The following USP24 variants were observed in gnomAD, a reference collection of about 807,000 sequenced individuals.
The protein encoded by USP24 is ubiquitin specific peptidase 24.
USP24 carries 97 observed loss-of-function variants against 361.6 expected under a neutral mutation model. That is an observed-to-expected ratio of 0.27 (90% confidence interval 0.23 to 0.32). The LOEUF is 0.32. USP24 is among the 10% of genes least tolerant of loss of function. USP24 has a pLI of 1.00. For missense variants in USP24, 2,353 were observed against 3,165.6 expected, an observed-to-expected ratio of 0.74 and a Z score of 6.16; for synonymous variants, 1,098 against 1,124.6, an observed-to-expected ratio of 0.98 and a Z score of 0.47.
At chr1:55,117,480 G>A (rs1379004983) in intron 38 of USP24, among the ~76,000 whole-genome samples, 1 of 152,154 alleles carries the variant, frequency 6.6e-6, no homozygotes, top group African/African-American at 2.4e-5. Flanking sequence ...TGTAATCCCA[G>A]CACTTTGGGA....
At chr1:55,124,309 A>G (rs1337612244) in intron 35 of USP24, among the ~76,000 whole-genome samples, 160 bp downstream of exon 35, 1 of 152,216 alleles carries the variant, frequency 6.6e-6, no homozygotes, top group African/African-American at 2.4e-5. Context: ...AGGAACATAC[A>G]TAAATACTAA....
chr1:55,173,741 G>C (rs1315447528), intron 3 of USP24, among the ~76,000 whole-genome samples: 1 of 152,156 alleles, frequency 6.6e-6, no homozygotes, highest in Non-Finnish European at 1.5e-5. Context: ...ATTAGCAGAA[G>C]TCATAAGACT....
Position 55,068,641 on chromosome 1 carries a change from C to A in USP24, c.*404G>T. 5.7e-6 allele frequency: 1 copy of A among 174,160 alleles called. No homozygotes were observed. The highest frequency in any genetic ancestry group is 1.2e-5 in the Non-Finnish European group (1 of 83,194). 10.8% of individuals were successfully genotyped at this position (174,160 alleles called of 1,614,324 possible). On this transcript the variant is annotated 3_prime_UTR_variant, in exon 68 of 68. Transcript: ENST00000294383. ...AGATTAAAAATTTGCCCCCACATAT[C>A]TAAAAGCAGCTTGCTTTTTCTTAAA... is the stretch of plus-strand genomic sequence containing the variant.
In USP24 at chr1:55,141,653, T is replaced by C; in HGVS notation, c.2713A>G (p.Met905Val). 2.5e-6 allele frequency: 4 copies of C among 1,612,446 alleles called. No homozygotes were observed. The highest frequency in any genetic ancestry group is 3.4e-6 in the Non-Finnish European group (4 of 1,179,210). The change falls in exon 24 of 68, where the codon ATG becomes GTG. Residue 905 changes from methionine to valine, a missense_variant. Coordinates refer to ENST00000294383, the MANE Select transcript of USP24 (RefSeq NM_015306.3). ...TGAACTGAGGTTGCTACAGTTGGCA[T>C]GGCAGTTGCTGTAAGCATTTTTGTT... ...RATKMLTATA[M>V]PTVATSVQSP...
At chr1:55,159,554 C>T in intron 9 of USP24, 57 bp downstream of exon 9, 1 of 1,465,240 alleles carries the variant, frequency 6.8e-7, no homozygotes, top group Non-Finnish European at 9.4e-7. Context: ...TAAGTCCTGG[C>T]TCTGCTTCTG....
intron 4 of USP24, among the ~76,000 whole-genome samples, chr1:55,171,956 G>A (rs1384876943): frequency 1.3e-5 from 2 of 152,138 alleles, no homozygotes; most frequent in Non-Finnish European, 2.9e-5. Context: ...AAGTGTGCTA[G>A]GGCTACCGGG....
At chr1:55,155,958 T>C (rs1445969157) in intron 12 of USP24, among the ~76,000 whole-genome samples, 2 of 152,148 alleles carry the variant, frequency 1.3e-5, no homozygotes, top group African/African-American at 2.4e-5. Flanking sequence ...CTTTTTTTGC[T>C]CCTCTACCTT....
At chr1:55,182,702 C>G (rs1013016866) in intron 1 of USP24, among the ~76,000 whole-genome samples, 2 of 151,874 alleles carry the variant, frequency 1.3e-5, no homozygotes, top group African/African-American at 4.8e-5. Flanking sequence ...ATGAGAAAAC[C>G]CGAAATGAAA....
chr1:55,199,697 G>T (rs2100912899), intron 1 of USP24, among the ~76,000 whole-genome samples: 1 of 152,158 alleles, frequency 6.6e-6, no homozygotes, highest in Non-Finnish European at 1.5e-5. Flanking sequence ...GAATCAAGGT[G>T]AAGGGTATAC....
intron 37 of USP24, among the ~76,000 whole-genome samples, chr1:55,121,181 T>G (rs940454792): frequency 1.3e-5 from 2 of 152,208 alleles, no homozygotes; most frequent in Non-Finnish European, 2.9e-5. Context: ...AGACACTGGT[T>G]GTAACGTTGT....
intron 60 of USP24, among the ~76,000 whole-genome samples, chr1:55,079,153 T>C (rs1198776925): frequency 6.6e-6 from 1 of 152,064 alleles, no homozygotes; most frequent in African/African-American, 2.4e-5. Context: ...GATGGAGAGC[T>C]GAGAGCAGCC....
chr1:55,106,133 G>GC lies in USP24; in HGVS notation c.4880+12dup. The GC allele has an allele frequency of 6.3e-7, 1 of 1,591,752 alleles. No individual in the cohort carries two copies. Among genetic ancestry groups the GC allele is most frequent in the Non-Finnish European group, 8.6e-7 (1 of 1,159,924 alleles). On this transcript the variant is annotated intron_variant, in intron 41 of 67. Transcript: ENST00000294383. ...TTTTTACCAAAACTGAACACAACGTGCATTTTCCATACTTTGGATGAAAGT... is the reference window on the plus strand; with the variant it reads ...TTTTTACCAAAACTGAACACAACGTGCCATTTTCCATACTTTGGATGAAAGT...
At chr1:55,154,841 C>G in intron 12 of USP24, 63 bp from the exon 13 acceptor site, 1 of 1,297,344 alleles carries the variant, frequency 7.7e-7, no homozygotes, top group South Asian at 1.3e-5. Context: ...AAGTCTTCCC[C>G]CTGGCAACTT....
At chr1:55,201,600 C>CAAAAAA (rs56659823) in intron 1 of USP24, among the ~76,000 whole-genome samples, 11 of 35,462 alleles carry the variant, frequency 3.1e-4, no homozygotes, top group Non-Finnish European at 3.9e-4. Flanking sequence ...GACTCCATCT[C>CAAAAAA]AAAAAAAAAA....
At chr1:55,166,196 T>C (rs990035717) in intron 6 of USP24, among the ~76,000 whole-genome samples, 13 of 151,758 alleles carry the variant, frequency 8.6e-5, no homozygotes, top group African/African-American at 3.1e-4. Context: ...AATTAAGTTA[T>C]TATTGACTGC....
chr1:55,124,605 A>G lies in USP24; in HGVS notation c.3984T>C (p.Thr1328=). Residue 1328 remains threonine (T), a synonymous_variant, in exon 35 of 68, where the codon ACT becomes ACC. Coordinates refer to ENST00000294383, the MANE Select transcript of USP24 (RefSeq NM_015306.3). ...ATCTCATGAAGCAAGCCACAGTAGA[A>G]GTGAAATCACTTACTTCCATTGTCT... ...AIQTMEVSDF[T]STVACFMRLS... 1 of 1,613,992 alleles carries G rather than the reference A, an allele frequency of 6.2e-7. No individual in the cohort carries two copies. The highest frequency in any genetic ancestry group is 1.1e-5 in the South Asian group (1 of 91,066).
intron 42 of USP24, among the ~76,000 whole-genome samples, chr1:55,102,336 C>T (rs1056586357): frequency 2.0e-5 from 3 of 152,118 alleles, no homozygotes; most frequent in Non-Finnish European, 4.4e-5. Context: ...TTTGAAATAA[C>T]ATAGACCCCA....
chr1:55,214,889 T>C lies in USP24; in HGVS notation c.225A>G (p.Gly75=). ...AGGGGCCGCCGCCGCCGCCGTCACCTCCGCCGTCGCCCCGCGGGCCCCCGC... is the reference window on the plus strand; with the variant it reads ...AGGGGCCGCCGCCGCCGCCGTCACCCCCGCCGTCGCCCCGCGGGCCCCCGC... The part of the protein sequence containing the change: ...GPGGGPRGDG[G]GDGGGGGPSR... Residue 75 remains glycine (G), a synonymous_variant, in exon 1 of 68, where the codon GGA becomes GGG. Transcript: ENST00000294383. 8.0e-7 allele frequency: 1 copy of C among 1,252,362 alleles called. No individual in the cohort carries two copies. The highest frequency in any genetic ancestry group is 1.0e-6 in the Non-Finnish European group (1 of 992,452). 77.6% of individuals were successfully genotyped at this position (1,252,362 alleles called of 1,614,324 possible).
At chr1:55,197,146 T>C (rs1388757627) in intron 1 of USP24, among the ~76,000 whole-genome samples, 2 of 152,218 alleles carry the variant, frequency 1.3e-5, no homozygotes, top group East Asian at 1.9e-4. Flanking sequence ...ATAACCACAG[T>C]TGGCTTCACC....
Sources: allele counts gnomAD v4.1 joint callset (sites outside exome capture counted in the v4.1 genomes callset), GRCh38; gene constraint gnomAD v4.1.1; transcripts MANE v1.5; gene names NCBI Gene and HGNC (gene_info 2026-07-23, HGNC 2026-07-21).